LPIN1: variants seen among roughly 807,000 people sequenced by gnomAD.
LPIN1 encodes lipin 1.
Under a neutral mutation model 107.5 loss-of-function variants are expected in LPIN1, and 71 were observed. The ratio of observed to expected loss-of-function variants is 0.66; its 90% CI spans 0.55 to 0.80. The LOEUF (loss-of-function observed/expected upper bound fraction) is 0.80, where lower values mean the gene tolerates loss of function less well. Ranked by LOEUF, LPIN1 falls within the 30% of genes least tolerant of loss-of-function variation. The probability of loss-of-function intolerance (pLI) is 0.00; values close to 1 mark genes in which losing one functional copy is unlikely to be tolerated. For synonymous variants in LPIN1, 445 were observed against 452.6 expected (o/e 0.98, Z 0.21); for missense variants, 1,043 against 1,160.6 (o/e 0.90, Z 1.47).
intron 2 of LPIN1, among the ~76,000 whole-genome samples, chr2:11,766,517 A>G (rs1670917130): frequency 6.6e-6 from 1 of 152,190 alleles, no homozygotes; most frequent in Non-Finnish European, 1.5e-5. Flanking sequence ...GGGTCACAGA[A>G]TCTACATATT....
At chr2:11,724,480 G>A in exon 1 of LPIN1, 1 of 985,848 alleles carries the variant, frequency 1.0e-6, no homozygotes, top group South Asian at 4.7e-5. Context: ...CCCAGCAGTG[G>A]CCCAGCCTGC....
At chr2:11,802,581 G>A (rs1354867097) in intron 14 of LPIN1, among the ~76,000 whole-genome samples, 3 of 152,200 alleles carry the variant, frequency 2.0e-5, no homozygotes. Context: ...AAGAGAGACA[G>A]AGAAGACAGC....
At chr2:11,715,162 G>A (rs1458994273) in intron 2 of LPIN1, among the ~76,000 whole-genome samples, 4 of 152,150 alleles carry the variant, frequency 2.6e-5, no homozygotes, top group African/African-American at 4.8e-5. Flanking sequence ...GGGTGGGAGC[G>A]CAGGCCACAT....
At chr2:11,701,969 A>G (rs1662895939) in intron 1 of LPIN1, among the ~76,000 whole-genome samples, 2 of 152,218 alleles carry the variant, frequency 1.3e-5, no homozygotes, top group South Asian at 4.1e-4. Context: ...CATTGTGCTC[A>G]TCTCTGCTGA....
intron 1 of LPIN1, among the ~76,000 whole-genome samples, chr2:11,735,347 C>T (rs772212991): frequency 9.2e-5 from 14 of 151,718 alleles, no homozygotes; most frequent in Non-Finnish European, 2.1e-4. Flanking sequence ...GATAATGTTC[C>T]TCTTACATCT....
chr2:11,801,824 A>T (rs557376790), intron 14 of LPIN1, among the ~76,000 whole-genome samples: 1 of 152,348 alleles, frequency 6.6e-6, no homozygotes, highest in South Asian at 2.1e-4. Flanking sequence ...CCCTGATTTG[A>T]TCATGGTATG....
intron 12 of LPIN1, among the ~76,000 whole-genome samples, chr2:11,788,857 A>C (rs1385815213): frequency 6.6e-6 from 1 of 152,170 alleles, no homozygotes; most frequent in Non-Finnish European, 1.5e-5. Context: ...GTCAAGTGTC[A>C]GTGTCAAGTG....
upstream of LPIN1, among the ~76,000 whole-genome samples, chr2:11,743,274 G>A (rs546769188): frequency 6.6e-6 from 1 of 152,348 alleles, no homozygotes; most frequent in Non-Finnish European, 1.5e-5. The surrounding 1 kb of genome is among the most constrained non-coding windows in gnomAD (Gnocchi z 4.7). Flanking sequence ...TGCCCTAACT[G>A]TGAAGTGGGC....
chr2:11,706,076 G>A (rs1663114521), intron 1 of LPIN1, among the ~76,000 whole-genome samples: 1 of 152,178 alleles, frequency 6.6e-6, no homozygotes, highest in African/African-American at 2.4e-5. Context: ...GATGTGACTT[G>A]CTCCTCTTTG....
intron 11 of LPIN1, 128 bp downstream of exon 11, chr2:11,787,295 A>G: frequency 1.4e-6 from 1 of 717,144 alleles, no homozygotes; most frequent in Non-Finnish European, 2.5e-6. Flanking sequence ...GCATTATTGC[A>G]TTATCTTCAC....
At chr2:11,734,138 T>C (rs1370854157) in intron 1 of LPIN1, among the ~76,000 whole-genome samples, 2 of 152,192 alleles carry the variant, frequency 1.3e-5, no homozygotes, top group East Asian at 1.9e-4. Context: ...TTCATTCACA[T>C]TGCAATGTGA....
At chr2:11,680,428 C>T (rs995506317) in intron 1 of LPIN1, among the ~76,000 whole-genome samples, 18 of 151,370 alleles carry the variant, frequency 1.2e-4, no homozygotes, top group African/African-American at 4.4e-4. Flanking sequence ...GGTAACGGGG[C>T]GATCTGGGGG....
At chr2:11,806,983 A>G (rs948758439) in intron 17 of LPIN1, among the ~76,000 whole-genome samples, 15 of 152,216 alleles carry the variant, frequency 9.9e-5, no homozygotes, top group Non-Finnish European at 2.2e-4. Flanking sequence ...TCGTCTAGAT[A>G]CACCATACTT....
chr2:11,741,992 T>C (rs1666411858), upstream of LPIN1: 1 of 152,172 alleles, frequency 6.6e-6, no homozygotes, highest in African/African-American at 2.4e-5. Flanking sequence ...TCCCAATATA[T>C]CTCATTTAAT....
chr2:11,822,851 G>A (rs556992463), intron 20 of LPIN1, among the ~76,000 whole-genome samples: 2 of 152,316 alleles, frequency 1.3e-5, no homozygotes, highest in East Asian at 1.9e-4. Flanking sequence ...TGGCCTCTGC[G>A]GTCATTGCAT....
intron 1 of LPIN1, among the ~76,000 whole-genome samples, chr2:11,752,960 C>T (rs1045300993): frequency 4.6e-5 from 7 of 152,178 alleles, no homozygotes; most frequent in Non-Finnish European, 1.5e-5. Context: ...GTCACCTCAT[C>T]CTGACAGTGT....
At chr2:11,791,674 T>C in intron 12 of LPIN1, 1 of 1,337,570 alleles carries the variant, frequency 7.5e-7, no homozygotes, top group South Asian at 1.3e-5. Flanking sequence ...GTATTTTATT[T>C]GTTGTTTGTT....
At chr2:11,696,827 G>C (rs1405791570) in intron 1 of LPIN1, among the ~76,000 whole-genome samples, 1 of 152,234 alleles carries the variant, frequency 6.6e-6, no homozygotes, top group East Asian at 1.9e-4. Context: ...CACTTTGGGG[G>C]GCTCCTTTCC....
intron 12 of LPIN1, 98 bp from the exon 13 acceptor site, chr2:11,791,816 A>G (rs1402692367): frequency 7.9e-6 from 12 of 1,528,088 alleles, no homozygotes; most frequent in Admixed American, 6.0e-5. Context: ...TTTTTTTTTA[A>G]ATCTTACTTT....
Sources: allele counts gnomAD v4.1 joint callset (sites outside exome capture counted in the v4.1 genomes callset), GRCh38; gene constraint gnomAD v4.1.1; non-coding constraint Gnocchi (gnomAD v3.1); transcripts MANE v1.5; gene names NCBI Gene and HGNC (gene_info 2026-07-23, HGNC 2026-07-21).